TMEM178B: variants seen among roughly 807,000 people sequenced by gnomAD.
TMEM178B encodes the protein transmembrane protein 178B.
TMEM178B carries 5 observed loss-of-function variants against 31.0 expected under a neutral mutation model. The ratio of observed to expected loss-of-function variants is 0.16; its 90% confidence interval spans 0.08 to 0.34. The LOEUF is 0.34. Among genes scored for constraint, TMEM178B ranks in the 10% least tolerant of loss-of-function variants. The pLI is 1.00. For synonymous variants in TMEM178B, 164 were observed against 164.0 expected (o/e 1.00, Z 0.00); for missense variants, 275 against 400.3 (o/e 0.69, Z 2.67).
intron 2 of TMEM178B, among the ~76,000 whole-genome samples, chr7:141,263,040 G>T (rs1332125506): frequency 6.6e-6 from 1 of 152,014 alleles, no homozygotes; most frequent in African/African-American, 2.4e-5. Context: ...TTCCCCATGA[G>T]CCTTGACAGA....
At chr7:141,397,540 T>C (rs981679836) in intron 2 of TMEM178B, among the ~76,000 whole-genome samples, 2 of 152,188 alleles carry the variant, frequency 1.3e-5, no homozygotes, top group African/African-American at 2.4e-5. Context: ...ATAGGCATCA[T>C]GCTATGAATG....
rs1796980344 is a variant in TMEM178B at position 141,207,169 on chromosome 7, A to T, written c.383-5422A>T. 2.0e-5 allele frequency among the ~76,000 whole-genome samples: 3 copies of T among 152,242 alleles called. No individual in the cohort carries two copies. In the South Asian group the frequency reaches 6.2e-4, roughly 31 times the overall value. ...GTAGGGATGCAATATTGCATATCGC[A>T]TGGATACAGCTTTCCCTTATCCTTC... On this transcript the variant is annotated intron_variant, in intron 1 of 3. Coordinates refer to ENST00000565468, the MANE Select transcript of TMEM178B (RefSeq NM_001195278.2).
At chr7:141,156,903 G>T (rs1439116102) in intron 1 of TMEM178B, among the ~76,000 whole-genome samples, 1 of 152,148 alleles carries the variant, frequency 6.6e-6, no homozygotes, top group African/African-American at 2.4e-5. Context: ...ATAAATGAGG[G>T]ATTTGGGGTA....
At chr7:141,188,931 C>T (rs1441483738) in intron 1 of TMEM178B, among the ~76,000 whole-genome samples, 2 of 152,206 alleles carry the variant, frequency 1.3e-5, no homozygotes, top group African/African-American at 2.4e-5. Flanking sequence ...TCCCTGAATC[C>T]AGCCGCCTGA....
chr7:141,225,017 T>G (rs763131922), intron 2 of TMEM178B, among the ~76,000 whole-genome samples: 4 of 152,204 alleles, frequency 2.6e-5, no homozygotes, highest in African/African-American at 4.8e-5. Context: ...AAGTCTTTCC[T>G]TGCAGGGAGG....
chr7:141,374,481 G>A (rs190434181), intron 2 of TMEM178B, among the ~76,000 whole-genome samples: 2 of 152,322 alleles, frequency 1.3e-5, no homozygotes, highest in African/African-American at 2.4e-5. Context: ...GTGGAGAGAA[G>A]CATACACAGG....
chr7:141,349,926 A>G (rs1327097928), intron 2 of TMEM178B, among the ~76,000 whole-genome samples: 1 of 152,030 alleles, frequency 6.6e-6, no homozygotes, highest in African/African-American at 2.4e-5. Flanking sequence ...ACCCTGAGGA[A>G]GAATCCATGC....
intron 2 of TMEM178B, chr7:141,416,002 C>T (rs115893457): frequency 6.5e-6 from 1 of 152,766 alleles, no homozygotes; most frequent in African/African-American, 2.4e-5. Context: ...TGTAAACTCT[C>T]ACCTTTCAAT....
Position 141,185,516 on chromosome 7 carries a change from T to C in TMEM178B, c.383-27075T>C, listed in dbSNP as rs999825768. 3.7e-4 allele frequency among the ~76,000 whole-genome samples: 56 copies of C among 152,230 alleles called. 1 individual carries two copies. The highest frequency in any genetic ancestry group is 1.3e-3 in the African/African-American group (52 of 41,550). ...GGCATGTGGGTGCCTGTTGGTGTGC[T>C]CCCAACATGCCCTCAACGCGCAGCC... On this transcript the variant is annotated intron_variant, in intron 1 of 3. Transcript: ENST00000565468.
chr7:141,198,728 T>C (rs1404085729), intron 1 of TMEM178B, among the ~76,000 whole-genome samples: 1 of 152,138 alleles, frequency 6.6e-6, no homozygotes, highest in African/African-American at 2.4e-5. Context: ...GAGCTCATTG[T>C]TTTCCAGTGA....
chr7:141,172,917 A>G (rs183706877), intron 1 of TMEM178B: 99 of 152,310 alleles, frequency 6.5e-4, no homozygotes, highest in African/African-American at 2.3e-3. Context: ...GTGTGTGACT[A>G]TGTGTGTGCA....
At chr7:141,156,561 C>T (rs1291243538) in intron 1 of TMEM178B, among the ~76,000 whole-genome samples, 2 of 152,226 alleles carry the variant, frequency 1.3e-5, no homozygotes, top group Middle Eastern at 3.2e-3. Context: ...GGATTCAGCT[C>T]TGATGCTCCC....
the TMEM178B span, among the ~76,000 whole-genome samples, chr7:141,486,698 AT>A: frequency 1.3e-5 from 2 of 152,320 alleles, no homozygotes; most frequent in Non-Finnish European, 2.9e-5. Context: ...TATAAGTAGA[AT>A]TGTTTTTTAA....
At chr7:141,400,044 A>C (rs777725938) in intron 2 of TMEM178B, among the ~76,000 whole-genome samples, 1 of 152,166 alleles carries the variant, frequency 6.6e-6, no homozygotes, top group Non-Finnish European at 1.5e-5. Context: ...AGATAAATAG[A>C]AGCTGATATT....
At chr7:141,384,624 C>T (rs777177757) in intron 2 of TMEM178B, among the ~76,000 whole-genome samples, 1 of 152,144 alleles carries the variant, frequency 6.6e-6, no homozygotes, top group African/African-American at 2.4e-5. Flanking sequence ...TGTAGCCTTG[C>T]AGTACAGTTT....
chr7:141,075,383 T>G (rs1045896235), intron 1 of TMEM178B, among the ~76,000 whole-genome samples: 1 of 152,056 alleles, frequency 6.6e-6, no homozygotes, highest in Non-Finnish European at 1.5e-5. Flanking sequence ...AAAGTGGGCA[T>G]GTCAGAGAAA....
Position 141,232,349 on chromosome 7 carries a change from G to A in TMEM178B, c.496+19645G>A, listed in dbSNP as rs1207993473. On this transcript the variant is annotated intron_variant, in intron 2 of 3. Transcript: ENST00000565468. ...TAGTAATGTGATTGTTGGGTCAAGT[G>A]GTATTTCTGGTTCTAGGTCTTTGAG... Among the ~76,000 whole-genome samples the A allele has an allele frequency of 2.6e-5, 4 of 152,094 alleles. No homozygotes were observed. In the South Asian group the frequency reaches 6.2e-4, roughly 24 times the overall value.
chr7:141,304,368 T>C (rs1209956741), intron 2 of TMEM178B, among the ~76,000 whole-genome samples: 2 of 152,098 alleles, frequency 1.3e-5, no homozygotes, highest in African/African-American at 4.8e-5. Context: ...CTATGCTGTT[T>C]TGAGACAAAG....
At chr7:141,129,010 G>A (rs1288331585) in intron 1 of TMEM178B, among the ~76,000 whole-genome samples, 5 of 152,184 alleles carry the variant, frequency 3.3e-5, no homozygotes, top group Admixed American at 3.3e-4. Context: ...AGAGTCTAAG[G>A]TTTCTCCTGT....
Sources: allele counts gnomAD v4.1 joint callset (sites outside exome capture counted in the v4.1 genomes callset), GRCh38; gene constraint gnomAD v4.1.1; transcripts MANE v1.5; gene names NCBI Gene and HGNC (gene_info 2026-07-23, HGNC 2026-07-21).